The following C10orf71 variants were observed in gnomAD, a reference collection of about 807,000 sequenced individuals.
C10orf71 encodes chromosome 10 open reading frame 71, also known as cardiac-enriched FHL2-interacting protein.
For missense variants in C10orf71, 1,869 were observed against 1,804.5 expected (o/e 1.04, Z -0.65); for synonymous variants, 758 against 726.3 (o/e 1.04, Z -0.70).
chr10:49,305,206 A>G (rs1031283694), intron 1 of C10orf71, among the ~76,000 whole-genome samples: 6 of 152,152 alleles, frequency 3.9e-5, no homozygotes, highest in African/African-American at 1.4e-4. Context: ...AGGAGTATGG[A>G]GGCTGCAAGG....
At position 49,326,456 on chromosome 10, in the gene C10orf71, C is replaced by A. The variant is rs996917025; in HGVS notation, c.3911C>A (p.Thr1304Lys). The change falls in exon 3 of 3, where the codon ACG (threonine) becomes AAG (lysine). Residue 1304 changes from threonine to lysine, a missense_variant. Thr to Lys is a moderately conservative substitution (Grantham distance 78). Coordinates refer to ENST00000374144, the MANE Select transcript of C10orf71 (RefSeq NM_001135196.2). ...ATCAAGACCTTCTATGACCCAGAGACGGGCAAGTATGTCAAGGTCTCCATC... is the reference window on the plus strand; with the variant it reads ...ATCAAGACCTTCTATGACCCAGAGAAGGGCAAGTATGTCAAGGTCTCCATC... ...VKIKTFYDPE[T>K]GKYVKVSIPS... 2.5e-5 allele frequency: 38 copies of A among 1,550,190 alleles called. No individual in the cohort carries two copies. The highest frequency in any genetic ancestry group is 3.2e-5 in the Non-Finnish European group (37 of 1,146,750).
intron 1 of C10orf71, among the ~76,000 whole-genome samples, chr10:49,303,608 G>A (rs550650392): frequency 6.6e-5 from 10 of 152,350 alleles, no homozygotes; most frequent in Admixed American, 2.6e-4. Context: ...GAAGGGAAAG[G>A]GGGGCAAGGG....
Position 49,326,714 on chromosome 10 carries a change from G to A in C10orf71, c.4169G>A (p.Gly1390Asp), listed in dbSNP as rs540767420. Residue 1390 changes from glycine to aspartate, a missense_variant, in exon 3 of 3, where the codon GGT (glycine) becomes GAT (aspartate). Gly to Asp is a moderately conservative substitution (Grantham distance 94). Transcript: ENST00000374144. ...CTACAGCTGGACCCAGGGCCTCACG[G>A]TGACTGCACCCCGCACTCTGCAGGC... ...SGLQLDPGPH[G>D]DCTPHSAGQR... 1.3e-6 allele frequency: 2 copies of A among 1,551,292 alleles called. No homozygotes were observed. Among genetic ancestry groups the A allele is most frequent in the African/African-American group, 1.4e-5 (1 of 73,166 alleles).
rs1849126051 is a variant in C10orf71, at chr10:49,323,008, A to G, written c.463A>G (p.Ser155Gly). ...AATTAAATCTTTCGACAGGACCGAG[A>G]GCCAACGTTGTGAGAGCAGGCCCAC... ...TLIKSFDRTE[S>G]QRCESRPTAS... Residue 155 changes from serine to glycine, a missense_variant, in exon 3 of 3, where the codon AGC becomes GGC. Physicochemically the swap from Ser to Gly is moderately conservative, Grantham distance 56. Transcript: ENST00000374144. The G allele has an allele frequency of 6.2e-7, 1 of 1,613,988 alleles. No individual in the cohort carries two copies. The highest frequency in any genetic ancestry group is 8.5e-7 in the Non-Finnish European group (1 of 1,179,896).
intron 1 of C10orf71, among the ~76,000 whole-genome samples, chr10:49,302,178 C>T (rs574734044): frequency 8.6e-4 from 131 of 152,312 alleles, no homozygotes; most frequent in Non-Finnish European, 1.6e-3. Context: ...TCCCTACTCC[C>T]CACTGTGTCA....
intron 1 of C10orf71, among the ~76,000 whole-genome samples, chr10:49,301,721 T>C (rs180815364): frequency 1.3e-5 from 2 of 152,278 alleles, no homozygotes; most frequent in East Asian, 3.9e-4. Context: ...TGCATTCCCT[T>C]CTAAGCCCAG....
rs1848953451 is a variant in C10orf71, at chr10:49,313,739, A to T, written c.-247-2406A>T. 2.6e-5 allele frequency among the ~76,000 whole-genome samples: 4 copies of T among 152,304 alleles called. No individual in the cohort carries two copies. In the South Asian group the frequency reaches 8.3e-4, roughly 32 times the overall value. Reference sequence around the variant, plus strand: ...AGTCGAAGGTGACGTCAGGTTTCTGAGGTCCCCAGGGAGAAAGCTGGCTTG... The same window carrying T: ...AGTCGAAGGTGACGTCAGGTTTCTGTGGTCCCCAGGGAGAAAGCTGGCTTG... On this transcript the variant is annotated intron_variant, in intron 1 of 2. Transcript: ENST00000374144.
At chr10:49,321,952 T>A (rs1849100532) in intron 2 of C10orf71, among the ~76,000 whole-genome samples, 1 of 152,252 alleles carries the variant, frequency 6.6e-6, no homozygotes, top group Non-Finnish European at 1.5e-5. Flanking sequence ...TAGGAGTTTC[T>A]CATGTATTTT....
intron 2 of C10orf71, among the ~76,000 whole-genome samples, chr10:49,317,373 G>A (rs1849016662): frequency 6.6e-6 from 1 of 152,192 alleles, no homozygotes; most frequent in South Asian, 2.1e-4. Context: ...GCCATTGCTT[G>A]TCTCTCAGGG....
chr10:49,317,239 C>T (rs1849013933), intron 2 of C10orf71, among the ~76,000 whole-genome samples: 1 of 152,100 alleles, frequency 6.6e-6, no homozygotes, highest in South Asian at 2.1e-4. Context: ...AACCCCACAC[C>T]AGCCTCAATA....
At position 49,323,794 on chromosome 10, in the gene C10orf71, C is replaced by A; in HGVS notation, c.1249C>A (p.Pro417Thr). ...CCCACCTTTGTATACAAAACACAAC[C>A]CCCAGGAACAGTTTTCAGAAAACAA... Reference protein sequence around the residue: ...RGPPLYTKHNPQEQFSENNAL... With the variant: ...RGPPLYTKHNTQEQFSENNAL... The change falls in exon 3 of 3, where the codon CCC becomes ACC. Residue 417 changes from proline to threonine, a missense_variant. Transcript: ENST00000374144. 6.2e-7 allele frequency: 1 copy of A among 1,613,930 alleles called. No homozygotes were observed. Among genetic ancestry groups the A allele is most frequent in the Non-Finnish European group, 8.5e-7 (1 of 1,179,864 alleles).
intron 1 of C10orf71, among the ~76,000 whole-genome samples, chr10:49,302,560 G>A (rs753512658): frequency 2.4e-4 from 37 of 152,200 alleles, no homozygotes; most frequent in Non-Finnish European, 4.6e-4. Flanking sequence ...GCCCCCTCAC[G>A]GAGGCAGGCG....
chr10:49,317,741 C>T (rs1043668269), intron 2 of C10orf71, among the ~76,000 whole-genome samples: 2 of 152,190 alleles, frequency 1.3e-5, no homozygotes, highest in African/African-American at 2.4e-5. Flanking sequence ...ATCCCAGCTA[C>T]TTGGTAGGCC....
chr10:49,309,355 G>A (rs1009064331), intron 1 of C10orf71, among the ~76,000 whole-genome samples: 2 of 152,102 alleles, frequency 1.3e-5, no homozygotes, highest in African/African-American at 4.8e-5. Context: ...GCTAATACAT[G>A]TGCACACTCA....
rs60174377 is a variant in C10orf71, at chr10:49,319,682, CTATATATATATATATATA to C, written c.-144-2685_-144-2668del. ...GTATATATATGTACACACACACAAG[CTATATATATATATATATA>C]TATATATATATATATATATATATAT... On this transcript the variant is annotated intron_variant, in intron 2 of 2. Coordinates refer to ENST00000374144, the MANE Select transcript of C10orf71 (RefSeq NM_001135196.2). Among the ~76,000 whole-genome samples the C allele has an allele frequency of 2.5e-3, 291 of 117,792 alleles. 6 individuals are homozygous for C. Among genetic ancestry groups the C allele is most frequent in the East Asian group, 0.017 (52 of 3,130 alleles). The allele number at this position is 117,792 out of a possible 152,430, so 77.3% of individuals were successfully genotyped here.
chr10:49,312,238 C>T (rs1709148166), intron 1 of C10orf71, among the ~76,000 whole-genome samples: 1 of 152,132 alleles, frequency 6.6e-6, no homozygotes, highest in South Asian at 2.1e-4. Flanking sequence ...CATGGCAGAC[C>T]CTTCGCTCTT....
rs200614820 is a variant in C10orf71 at position 49,325,009 on chromosome 10, T to G, written c.2464T>G (p.Phe822Val). 2,716 of 1,551,408 alleles carry G rather than the reference T, an allele frequency of 1.8e-3. 3 individuals are homozygous for G. The highest frequency in any genetic ancestry group is 2.2e-3 in the Non-Finnish European group (2,527 of 1,146,840). Residue 822 changes from phenylalanine to valine, a missense_variant, in exon 3 of 3, where the codon TTC becomes GTC. Phe to Val is a conservative substitution (Grantham distance 50). Transcript: ENST00000374144. Reference protein sequence around the residue: ...TRKASAEEANFRGSWIGENKG... With the variant: ...TRKASAEEANVRGSWIGENKG... ...GAAGGCATCAGCAGAGGAAGCTAAT[T>G]TCAGAGGCTCTTGGATTGGGGAAAA... is the stretch of plus-strand genomic sequence containing the variant.
rs781447682 is a variant in C10orf71 at position 49,322,732 on chromosome 10, G to A, written c.187G>A (p.Val63Met). 9.9e-6 allele frequency: 16 copies of A among 1,613,920 alleles called. No homozygotes were observed. Among genetic ancestry groups the A allele is most frequent in the Admixed American group, 1.7e-5 (1 of 60,014 alleles). ...TGTGTCCCCGGATATCACCCGACAG[G>A]TGTTTGGGACTTTTCACCAGAGAAC... ...LAVSPDITRQ[V>M]FGTFHQRTVG... The change falls in exon 3 of 3, where the codon GTG becomes ATG. Residue 63 changes from valine to methionine, a missense_variant. Physicochemically the swap from Val to Met is conservative, Grantham distance 21. Transcript: ENST00000374144.
rs1331359577 is a variant in C10orf71, at chr10:49,324,170, T to C, written c.1625T>C (p.Val542Ala). ...DGKQEPVSNG[V>A]ILPNGLEESP... Reference sequence around the variant, plus strand: ...AAGCAAGAACCTGTGAGCAACGGTGTCATCCTCCCCAATGGGCTTGAGGAA... The same window carrying C: ...AAGCAAGAACCTGTGAGCAACGGTGCCATCCTCCCCAATGGGCTTGAGGAA... The change falls in exon 3 of 3, where the codon GTC becomes GCC. Residue 542 changes from valine to alanine, a missense_variant. Coordinates refer to ENST00000374144, the MANE Select transcript of C10orf71 (RefSeq NM_001135196.2). The C allele has an allele frequency of 6.2e-7, 1 of 1,613,966 alleles. No homozygotes were observed.
Sources: gnomAD v4.1 joint callset for allele counts (sites outside exome capture counted in the v4.1 genomes callset) on GRCh38, gnomAD v4.1.1 for gene constraint, MANE v1.5 for transcripts, NCBI Gene and HGNC (gene_info 2026-07-23, HGNC 2026-07-21) for gene names.